SGCZ: variants seen among roughly 807,000 people sequenced by gnomAD.
The protein encoded by SGCZ is zeta-sarcoglycan.
In SGCZ, 40 loss-of-function variants were observed where a neutral mutation model predicts 41.3. The observed-to-expected ratio is 0.97, with a 90% CI of 0.75 to 1.26. SGCZ has a LOEUF of 1.26. Ranked by LOEUF, SGCZ falls within the 50% of genes most tolerant of loss-of-function variation. The probability of loss-of-function intolerance (pLI) is 0.00; values close to 1 mark genes in which losing one functional copy is unlikely to be tolerated. For missense variants in SGCZ, 552 were observed against 369.8 expected, an observed-to-expected ratio of 1.49 and a Z score of -4.04; for synonymous variants, 206 against 137.5, an observed-to-expected ratio of 1.50 and a Z score of -3.49.
chr8:14,771,762 G>A (rs899601329), intron 1 of SGCZ, among the ~76,000 whole-genome samples: 2 of 151,930 alleles, frequency 1.3e-5, no homozygotes, highest in Non-Finnish European at 2.9e-5. Context: ...TTATTTTGGG[G>A]GGTAAGACTG....
chr8:15,143,705 T>C (rs896384673), intron 1 of SGCZ, among the ~76,000 whole-genome samples: 2 of 152,168 alleles, frequency 1.3e-5, no homozygotes, highest in African/African-American at 2.4e-5. Flanking sequence ...TAAAGTAAGG[T>C]AGTGTTTCCT....
Position 14,921,082 on chromosome 8 carries a change from G to T in SGCZ, c.39+316503C>A, listed in dbSNP as rs115370537. 8.9e-3 allele frequency among the ~76,000 whole-genome samples: 1,359 copies of T among 152,272 alleles called. 17 individuals carry two copies. The highest frequency in any genetic ancestry group is 0.031 in the African/African-American group (1,276 of 41,560). ...TATCTTCATGAGGGACCATCCTAAA[G>T]AACTATCCCAGCTTCAGAGCTTGCA... On this transcript the variant is annotated intron_variant, in intron 1 of 7. Transcript: ENST00000382080.
chr8:14,440,344 TC>T, intron 2 of SGCZ, among the ~76,000 whole-genome samples: 1 of 152,072 alleles, frequency 6.6e-6, no homozygotes, highest in South Asian at 2.1e-4. Context: ...CTTAAGGAAA[TC>T]TTAGATAAAT....
chr8:14,666,705 T>C (rs1473993861), intron 1 of SGCZ, among the ~76,000 whole-genome samples: 1 of 149,596 alleles, frequency 6.7e-6, no homozygotes, highest in Non-Finnish European at 1.5e-5. Flanking sequence ...AAAAAAAGAA[T>C]TGAATTACAG....
intron 2 of SGCZ, among the ~76,000 whole-genome samples, chr8:14,365,319 A>C (rs1269215351): frequency 1.3e-5 from 2 of 152,130 alleles, no homozygotes; most frequent in Non-Finnish European, 2.9e-5. Flanking sequence ...ACTTTAGTTA[A>C]ATAATTTTTG....
chr8:14,490,931 G>A (rs186288876), intron 2 of SGCZ, among the ~76,000 whole-genome samples: 1 of 152,164 alleles, frequency 6.6e-6, no homozygotes, highest in African/African-American at 2.4e-5. Context: ...TTAATCAATT[G>A]ACAGCCATAT....
intron 1 of SGCZ, among the ~76,000 whole-genome samples, chr8:15,200,315 C>T (rs750596307): frequency 6.6e-6 from 1 of 152,192 alleles, no homozygotes; most frequent in Admixed American, 6.5e-5. Context: ...AATTCAGTAA[C>T]AACCTCATTA....
chr8:15,085,664 G>A (rs1805922194), intron 1 of SGCZ, among the ~76,000 whole-genome samples: 1 of 152,104 alleles, frequency 6.6e-6, no homozygotes, highest in Non-Finnish European at 1.5e-5. Context: ...GAACTATAAT[G>A]TACATTTTAT....
At position 14,086,105 on chromosome 8, in the gene SGCZ, T is replaced by G. The variant is rs1801515606; in HGVS notation, c.*4338A>C. 6.6e-6 allele frequency among the ~76,000 whole-genome samples: 1 copy of G among 151,726 alleles called. No individual in the cohort carries two copies. Among genetic ancestry groups the G allele is most frequent in the Non-Finnish European group, 1.5e-5 (1 of 67,764 alleles). ...TACACCAGTACATAGAGCAAATAAT[T>G]TCTCCATATGTCATTAAATATGATC... On this transcript the variant is annotated 3_prime_UTR_variant, in exon 8 of 8. Coordinates refer to ENST00000382080, the MANE Select transcript of SGCZ (RefSeq NM_139167.4).
At chr8:14,219,486 C>T (rs1333477990) in intron 4 of SGCZ, among the ~76,000 whole-genome samples, 10 of 152,186 alleles carry the variant, frequency 6.6e-5, no homozygotes, top group African/African-American at 1.2e-4. Flanking sequence ...CAGTGGCTCA[C>T]GCCTGTAATT....
chr8:14,771,013 C>T (rs958423808), intron 1 of SGCZ, among the ~76,000 whole-genome samples: 1 of 152,024 alleles, frequency 6.6e-6, no homozygotes, highest in Admixed American at 6.6e-5. Flanking sequence ...AATAGCTTGG[C>T]TTTTTCAGGC....
chr8:14,711,801 G>A (rs1388566852), intron 1 of SGCZ, among the ~76,000 whole-genome samples: 1 of 152,100 alleles, frequency 6.6e-6, no homozygotes. Flanking sequence ...GTTCTGATAG[G>A]AGATGGACAA....
chr8:14,459,513 G>A (rs1442177736), intron 2 of SGCZ, among the ~76,000 whole-genome samples: 2 of 152,116 alleles, frequency 1.3e-5, no homozygotes, highest in Admixed American at 1.3e-4. Flanking sequence ...GTTAATGCAG[G>A]CAAGATCTAT....
intron 1 of SGCZ, among the ~76,000 whole-genome samples, chr8:14,803,648 G>A (rs1415068691): frequency 9.3e-5 from 14 of 150,760 alleles, no homozygotes; most frequent in Admixed American, 2.6e-4. Flanking sequence ...AGTGAGGCTG[G>A]GGGAGGGGCG....
intron 1 of SGCZ, among the ~76,000 whole-genome samples, chr8:14,757,139 A>G (rs1468574252): frequency 6.6e-6 from 1 of 151,976 alleles, no homozygotes; most frequent in African/African-American, 2.4e-5. Context: ...ACCTCAGCCT[A>G]CCAGGTTCAA....
intron 1 of SGCZ, among the ~76,000 whole-genome samples, chr8:14,673,946 A>G (rs1808190162): frequency 6.6e-6 from 1 of 152,188 alleles, no homozygotes; most frequent in Non-Finnish European, 1.5e-5. Context: ...TCAAAACAAG[A>G]AAGGTAATTG....
intron 4 of SGCZ, among the ~76,000 whole-genome samples, chr8:14,183,311 C>A (rs910528070): frequency 6.1e-5 from 9 of 147,548 alleles, no homozygotes; most frequent in Non-Finnish European, 1.3e-4. Flanking sequence ...CACACACACA[C>A]AGATTCTAGG....
chr8:14,399,123 C>T (rs1466438911), intron 2 of SGCZ, among the ~76,000 whole-genome samples: 3 of 152,038 alleles, frequency 2.0e-5, no homozygotes, highest in Non-Finnish European at 4.4e-5. Flanking sequence ...GTGGCACTCC[C>T]ATTGTTTTTG....
At chr8:14,619,274 T>C (rs1422365479) in intron 1 of SGCZ, among the ~76,000 whole-genome samples, 2 of 152,128 alleles carry the variant, frequency 1.3e-5, no homozygotes, top group Admixed American at 6.6e-5. Flanking sequence ...AAATTAGGTA[T>C]TGATGGGATG....
Sources: allele counts gnomAD v4.1 joint callset (sites outside exome capture counted in the v4.1 genomes callset), GRCh38; gene constraint gnomAD v4.1.1; transcripts MANE v1.5; gene names NCBI Gene and HGNC (gene_info 2026-07-23, HGNC 2026-07-21).